DTNA: variants seen among roughly 807,000 people sequenced by gnomAD.
DTNA encodes dystrobrevin alpha, also known as dystrophin-related protein 3.
DTNA carries 43 observed loss-of-function variants against 100.7 expected under a neutral mutation model. The observed-to-expected ratio is 0.43, with a 90% CI of 0.33 to 0.55. DTNA has a LOEUF of 0.55. DTNA is among the 20% of genes least tolerant of loss of function. The pLI, the probability that DTNA is intolerant of heterozygous loss-of-function variation, is 0.04. For missense variants in DTNA, 798 were observed against 953.9 expected (o/e 0.84, Z 2.15); for synonymous variants, 349 against 347.9 (o/e 1.00, Z -0.04).
In DTNA at chr18:34,838,820, C is replaced by G; in HGVS notation, c.1329C>G (p.Leu443=). ...TCATCGGGTTGTATGTCAACATGCT[C>G]CGGAACAACCCCTCATGGTTAGTGC... is the stretch of plus-strand genomic sequence containing the variant. ...HVLIGLYVNM[L]RNNPSCMLES... The change falls in exon 13 of 23, where the codon CTC becomes CTG. Residue 443 remains leucine, a synonymous_variant. Coordinates refer to ENST00000444659, the MANE Select transcript of DTNA (RefSeq NM_001386795.1). The G allele has an allele frequency of 3.7e-6, 6 of 1,613,644 alleles. No homozygotes were observed. Among genetic ancestry groups the G allele is most frequent in the Non-Finnish European group, 5.1e-6 (6 of 1,179,702 alleles).
intron 20 of DTNA, among the ~76,000 whole-genome samples, 171 bp downstream of exon 20, chr18:34,879,890 A>G (rs1044345375): frequency 2.0e-5 from 3 of 152,182 alleles, no homozygotes; most frequent in African/African-American, 7.2e-5. Context: ...TCGGCATTGT[A>G]ATATTTCCCC....
intron 1 of DTNA, among the ~76,000 whole-genome samples, chr18:34,673,523 G>GA (rs5823950): frequency 0.36 from 49,376 of 137,690 alleles, 9,418 homozygotes; most frequent in African/African-American, 0.56. Context: ...CAGTCCTTCA[G>GA]AAAAAAAAAA....
At chr18:34,777,946 G>T (rs75845495) in intron 3 of DTNA, among the ~76,000 whole-genome samples, 3 of 152,110 alleles carry the variant, frequency 2.0e-5, no homozygotes, top group Non-Finnish European at 4.4e-5. Flanking sequence ...TTGCCATAAG[G>T]CTTCTAAAAA....
At chr18:34,726,907 A>G (rs1207301199) in intron 1 of DTNA, among the ~76,000 whole-genome samples, 2 of 152,214 alleles carry the variant, frequency 1.3e-5, no homozygotes, top group African/African-American at 4.8e-5. Flanking sequence ...GCACTGCCCT[A>G]GGAAAGTATC....
At chr18:34,780,965 C>A (rs1205309979) in intron 3 of DTNA, among the ~76,000 whole-genome samples, 1 of 152,206 alleles carries the variant, frequency 6.6e-6, no homozygotes, top group African/African-American at 2.4e-5. Flanking sequence ...AGTTAATGTC[C>A]TCATGCTTCT....
chr18:34,736,797 T>G (rs897217953), intron 1 of DTNA, among the ~76,000 whole-genome samples: 1 of 152,190 alleles, frequency 6.6e-6, no homozygotes, highest in Non-Finnish European at 1.5e-5. Flanking sequence ...AGGTCCTGTT[T>G]AAAAGTAATG....
chr18:34,616,905 T>C (rs2055406044), intron 1 of DTNA, among the ~76,000 whole-genome samples: 1 of 152,184 alleles, frequency 6.6e-6, no homozygotes, highest in Admixed American at 6.5e-5. Context: ...GGGATTGAGT[T>C]CTTGATTTGT....
intron 21 of DTNA, among the ~76,000 whole-genome samples, chr18:34,883,234 A>G (rs535057990): frequency 6.6e-6 from 1 of 152,064 alleles, no homozygotes. Flanking sequence ...CTGGGCCTCA[A>G]TGGTTATTTT....
chr18:34,759,211 C>T (rs2092980517), intron 2 of DTNA, among the ~76,000 whole-genome samples: 1 of 152,210 alleles, frequency 6.6e-6, no homozygotes, highest in African/African-American at 2.4e-5. Flanking sequence ...ACATCATCCT[C>T]ACCTTGGCTT....
chr18:34,715,187 C>T (rs1396083982), intron 1 of DTNA, among the ~76,000 whole-genome samples: 1 of 151,116 alleles, frequency 6.6e-6, no homozygotes. Flanking sequence ...TGCACATGTA[C>T]CCTAAAACTT....
At chr18:34,665,979 A>T (rs1442312823) in intron 1 of DTNA, among the ~76,000 whole-genome samples, 1 of 152,190 alleles carries the variant, frequency 6.6e-6, no homozygotes, top group Non-Finnish European at 1.5e-5. Context: ...CTAGCTCTAG[A>T]TCCCTGAGGA....
intron 1 of DTNA, among the ~76,000 whole-genome samples, chr18:34,560,224 C>T (rs909125881): frequency 5.9e-5 from 9 of 152,198 alleles, no homozygotes; most frequent in African/African-American, 1.9e-4. Context: ...TCTTCTGTAG[C>T]AGACCACAAA....
At chr18:34,560,284 G>A (rs1297596346) in intron 1 of DTNA, among the ~76,000 whole-genome samples, 2 of 152,134 alleles carry the variant, frequency 1.3e-5, no homozygotes, top group African/African-American at 4.8e-5. Context: ...TTCACAATAT[G>A]TACCATAATG....
intron 15 of DTNA, 32 bp from the exon 16 acceptor site, chr18:34,858,253 C>T (rs2096576199): frequency 2.5e-6 from 4 of 1,606,252 alleles, no homozygotes; most frequent in Non-Finnish European, 3.4e-6. Flanking sequence ...GCTAACTAAC[C>T]TTGGTTTCTC....
chr18:34,658,129 C>A (rs911841721), intron 1 of DTNA, among the ~76,000 whole-genome samples: 1 of 152,092 alleles, frequency 6.6e-6, no homozygotes, highest in Non-Finnish European at 1.5e-5. Flanking sequence ...GAAACTGATT[C>A]AAGCACTGAA....
At chr18:34,741,565 G>A (rs2090650983) in intron 1 of DTNA, among the ~76,000 whole-genome samples, 1 of 152,086 alleles carries the variant, frequency 6.6e-6, no homozygotes, top group South Asian at 2.1e-4. Context: ...TTATGTCCAA[G>A]GATTTCATCA....
intron 13 of DTNA, among the ~76,000 whole-genome samples, chr18:34,844,083 A>G (rs951267292): frequency 3.9e-5 from 6 of 152,164 alleles, no homozygotes; most frequent in African/African-American, 1.4e-4. Flanking sequence ...GGAAATATAA[A>G]TCTAAAGACT....
intron 1 of DTNA, among the ~76,000 whole-genome samples, chr18:34,543,711 A>C (rs1047505912): frequency 2.0e-5 from 3 of 152,164 alleles, no homozygotes; most frequent in Non-Finnish European, 2.9e-5. Context: ...TACTGGGTTT[A>C]AAAATTGTGG....
intron 1 of DTNA, among the ~76,000 whole-genome samples, chr18:34,745,908 C>G (rs1433932478): frequency 6.6e-6 from 1 of 152,138 alleles, no homozygotes; most frequent in African/African-American, 2.4e-5. Context: ...GGTCTAAAAT[C>G]TTTAAAATAT....
Sources: gnomAD v4.1 joint callset for allele counts (sites outside exome capture counted in the v4.1 genomes callset) on GRCh38, gnomAD v4.1.1 for gene constraint, MANE v1.5 for transcripts, NCBI Gene and HGNC (gene_info 2026-07-23, HGNC 2026-07-21) for gene names.